Variants in MYBPC1 observed in about 807,000 individuals in gnomAD.
MYBPC1 encodes myosin-binding protein C, slow-type.
Under a neutral mutation model 147.1 loss-of-function variants are expected in MYBPC1, and 52 were observed. The ratio of observed to expected loss-of-function variants is 0.35; its 90% confidence interval spans 0.28 to 0.45. The LOEUF (loss-of-function observed/expected upper bound fraction) is 0.45, where lower values mean the gene tolerates loss of function less well. Ranked by LOEUF, MYBPC1 falls within the 20% of genes least tolerant of loss-of-function variation. The pLI is 1.00. For missense variants in MYBPC1, 1,228 were observed against 1,440.3 expected (o/e 0.85, Z 2.39); for synonymous variants, 477 against 475.9 (o/e 1.00, Z -0.03).
intron 22 of MYBPC1, among the ~76,000 whole-genome samples, chr12:101,665,972 A>G (rs1897334983): frequency 6.6e-6 from 1 of 152,208 alleles, no homozygotes; most frequent in South Asian, 2.1e-4. Flanking sequence ...TGTTAGGGTT[A>G]GAACAAGAGA....
intron 26 of MYBPC1, among the ~76,000 whole-genome samples, chr12:101,676,409 A>G (rs905758279): frequency 6.6e-6 from 1 of 152,082 alleles, no homozygotes; most frequent in Admixed American, 6.6e-5. Context: ...ACTGTACTGT[A>G]GCCAGGATGA....
At chr12:101,684,535 T>C (rs1951234721) in intron 31 of MYBPC1, 111 bp downstream of exon 31, 1 of 823,212 alleles carries the variant, frequency 1.2e-6, no homozygotes, top group East Asian at 2.5e-5. Flanking sequence ...AATAGACTTA[T>C]TTTAAATCCC....
intron 5 of MYBPC1, chr12:101,628,071 A>G (rs1889036369): frequency 3.6e-5 from 15 of 413,030 alleles, no homozygotes; most frequent in South Asian, 3.0e-4. Flanking sequence ...ACAGAGATCA[A>G]TCTTCATTTT....
intron 1 of MYBPC1, among the ~76,000 whole-genome samples, chr12:101,614,056 T>C (rs139530929): frequency 9.1e-4 from 139 of 152,308 alleles, no homozygotes; most frequent in Admixed American, 2.5e-3. Context: ...ATATGCTTGC[T>C]ACCCATTGTG....
At chr12:101,669,954 A>AAAAAC in intron 23 of MYBPC1, 1 of 344,744 alleles carries the variant, frequency 2.9e-6, no homozygotes, top group Non-Finnish European at 5.5e-6. Flanking sequence ...AAAAAAAAGA[A>AAAAAC]ACTATGAAAA....
At chr12:101,652,858 A>G (rs998298419) in intron 17 of MYBPC1, 74 bp downstream of exon 17, 13 of 1,328,398 alleles carry the variant, frequency 9.8e-6, no homozygotes, top group Middle Eastern at 1.8e-4. Flanking sequence ...GAATTATAAT[A>G]TATTCAAAAC....
chr12:101,648,888 G>A (rs970066946), intron 14 of MYBPC1, among the ~76,000 whole-genome samples: 2 of 152,176 alleles, frequency 1.3e-5, no homozygotes, highest in African/African-American at 2.4e-5. Flanking sequence ...GTAGTAATTG[G>A]TACAGTGTAG....
intron 25 of MYBPC1, among the ~76,000 whole-genome samples, chr12:101,674,144 C>T (rs1899327108): frequency 6.6e-6 from 1 of 152,168 alleles, no homozygotes; most frequent in African/African-American, 2.4e-5. Flanking sequence ...CATATATGTT[C>T]AAGAAAATTA....
chr12:101,634,894 T>A (rs1439427008), intron 9 of MYBPC1, among the ~76,000 whole-genome samples: 1 of 152,210 alleles, frequency 6.6e-6, no homozygotes, highest in African/African-American at 2.4e-5. Context: ...TGTAGCTTCC[T>A]CCTTAAAGCA....
chr12:101,617,315 T>C (rs1226339885), intron 3 of MYBPC1, 72 bp downstream of exon 3: 5 of 1,465,330 alleles, frequency 3.4e-6, no homozygotes, highest in East Asian at 2.3e-5. Flanking sequence ...GTAATGATTG[T>C]CATGGTGGCT....
rs191122699 is a variant in MYBPC1 at position 101,681,005 on chromosome 12, T to G, written c.3433+476T>G. Among the ~76,000 whole-genome samples, 451 of 152,282 alleles carry G rather than the reference T, an allele frequency of 3.0e-3. 1 individual carries two copies. The highest frequency in any genetic ancestry group is 8.5e-3 in the African/African-American group (353 of 41,530). On this transcript the variant is annotated intron_variant, in intron 29 of 31. Transcript: ENST00000361466. ...TATTTATAGAAATAGTTTTGCTAAT[T>G]AAGTGTTTGATATTACACATATAGA...
intron 1 of MYBPC1, among the ~76,000 whole-genome samples, chr12:101,609,485 G>C (rs77537687): frequency 6.6e-6 from 1 of 151,650 alleles, no homozygotes; most frequent in Non-Finnish European, 1.5e-5. Context: ...ATTTCATTAC[G>C]TTGCCCAGGT....
At chr12:101,661,480 T>C (rs1896538985) in intron 20 of MYBPC1, among the ~76,000 whole-genome samples, 1 of 152,226 alleles carries the variant, frequency 6.6e-6, no homozygotes, top group Non-Finnish European at 1.5e-5. Context: ...GTTTCTTTTT[T>C]TGTTTGACAT....
intron 1 of MYBPC1, among the ~76,000 whole-genome samples, chr12:101,611,528 T>C (rs1884267722): frequency 6.6e-6 from 1 of 152,202 alleles, no homozygotes; most frequent in Non-Finnish European, 1.5e-5. Flanking sequence ...ATCAATTTAA[T>C]AGATGTCCAA....
chr12:101,645,487 G>T (rs1384175402), intron 12 of MYBPC1, among the ~76,000 whole-genome samples: 1 of 152,184 alleles, frequency 6.6e-6, no homozygotes, highest in Non-Finnish European at 1.5e-5. Flanking sequence ...CAGGAGCCAT[G>T]TGTACATTTA....
chr12:101,687,294 G>C (rs1435927950), downstream of MYBPC1, among the ~76,000 whole-genome samples: 2 of 151,858 alleles, frequency 1.3e-5, no homozygotes, highest in Non-Finnish European at 2.9e-5. Flanking sequence ...TCATTGTTCA[G>C]CTCCCACCTA....
At chr12:101,655,016 G>C (rs915676645) in intron 18 of MYBPC1, among the ~76,000 whole-genome samples, 26 of 152,174 alleles carry the variant, frequency 1.7e-4, no homozygotes, top group African/African-American at 6.0e-4. Context: ...GCAATATCCT[G>C]CCATCCAGTC....
intron 18 of MYBPC1, among the ~76,000 whole-genome samples, chr12:101,658,654 G>A (rs539295948): frequency 6.6e-5 from 10 of 152,290 alleles, no homozygotes; most frequent in Non-Finnish European, 1.5e-4. Context: ...ATACAAAGGA[G>A]ATGGATTAGC....
intron 18 of MYBPC1, among the ~76,000 whole-genome samples, chr12:101,657,911 A>T (rs1229703509): frequency 5.3e-5 from 8 of 152,250 alleles, no homozygotes; most frequent in Admixed American, 5.2e-4. Flanking sequence ...AACATTAGCC[A>T]CGAGGTCAGG....
Sources: gnomAD v4.1 joint callset for allele counts (sites outside exome capture counted in the v4.1 genomes callset) on GRCh38, gnomAD v4.1.1 for gene constraint, MANE v1.5 for transcripts, NCBI Gene and HGNC (gene_info 2026-07-23, HGNC 2026-07-21) for gene names.